The following CAPN8 variants were observed in gnomAD, a reference collection of about 807,000 sequenced individuals.
CAPN8 encodes calpain 8, also known as calpain-8.
In CAPN8, 87 loss-of-function variants were observed where a neutral mutation model predicts 80.9. The observed-to-expected ratio is 1.07, with a 90% CI of 0.90 to 1.28. CAPN8 has a LOEUF of 1.28. Among genes scored for constraint, CAPN8 ranks in the 50% most tolerant of loss-of-function variants. CAPN8 has a pLI of 0.00. For synonymous variants in CAPN8, 299 were observed against 273.8 expected (o/e 1.09, Z -0.91); for missense variants, 757 against 702.0 (o/e 1.08, Z -0.89).
Position 223,622,802 on chromosome 1 carries a change from G to T in CAPN8, c.899+13C>A, listed in dbSNP as rs1351363582. The T allele has an allele frequency of 9.0e-6, 14 of 1,549,152 alleles. No individual in the cohort carries two copies. The highest frequency in any genetic ancestry group is 1.2e-5 in the Non-Finnish European group (14 of 1,144,706). On this transcript the variant is annotated intron_variant, in intron 7 of 20. Coordinates refer to ENST00000366872, the MANE Select transcript of CAPN8 (RefSeq NM_001143962.2). Reference sequence around the variant, plus strand: ...GGGAGAGATGACTGGAGAAGCGGGGGAAAAAAACCTACTCATCGCTCCAGG... The same window carrying T: ...GGGAGAGATGACTGGAGAAGCGGGGTAAAAAAACCTACTCATCGCTCCAGG...
intron 9 of CAPN8, chr1:223,618,138 A>C: frequency 7.6e-7 from 1 of 1,313,176 alleles, no homozygotes; most frequent in Non-Finnish European, 1.1e-6. Flanking sequence ...ATCAACAGCA[A>C]ACCAGGCAGG....
chr1:223,638,930 C>T (rs77024713), intron 2 of CAPN8, among the ~76,000 whole-genome samples: 13,722 of 152,236 alleles, frequency 0.09, 1,416 homozygotes, highest in African/African-American at 0.24. Flanking sequence ...ATAAATCCTG[C>T]TAATGTAGAA....
chr1:223,544,357 C>A (rs1209375921), intron 18 of CAPN8, 174 bp from the exon 19 acceptor site: 3 of 602,620 alleles, frequency 5.0e-6, no homozygotes, highest in Non-Finnish European at 8.9e-6. Flanking sequence ...GCCATCCATC[C>A]CTCTCCTTGT....
At chr1:223,656,525 GA>G (rs1036431780) in intron 1 of CAPN8, among the ~76,000 whole-genome samples, 14 of 151,614 alleles carry the variant, frequency 9.2e-5, no homozygotes, top group Middle Eastern at 3.5e-3. Flanking sequence ...ATGAACATGA[GA>G]AAAAAAACCC....
At chr1:223,614,636 G>T (rs182884917) in intron 10 of CAPN8, among the ~76,000 whole-genome samples, 239 of 152,310 alleles carry the variant, frequency 1.6e-3, no homozygotes, top group African/African-American at 5.5e-3. Context: ...CCCCATCACA[G>T]CAGATCTGAC....
At chr1:223,550,928 G>T in intron 15 of CAPN8, 32 bp downstream of exon 15, 1 of 716,572 alleles carries the variant, frequency 1.4e-6, no homozygotes, top group South Asian at 1.5e-5. Context: ...ATCTCCTACG[G>T]ACTTTCTGAA....
chr1:223,648,645 T>C (rs1031759816), intron 2 of CAPN8, among the ~76,000 whole-genome samples: 1 of 152,156 alleles, frequency 6.6e-6, no homozygotes, highest in Non-Finnish European at 1.5e-5. Context: ...GGCAACTGGA[T>C]TTAGGTTGTT....
chr1:223,645,762 G>A (rs982700547), intron 2 of CAPN8, among the ~76,000 whole-genome samples: 1 of 152,126 alleles, frequency 6.6e-6, no homozygotes, highest in African/African-American at 2.4e-5. Flanking sequence ...AAGTAACAAG[G>A]TACTGGGTCA....
intron 10 of CAPN8, 189 bp downstream of exon 10, chr1:223,615,781 T>C: frequency 1.4e-6 from 1 of 721,450 alleles, no homozygotes; most frequent in Non-Finnish European, 2.5e-6. Context: ...ACTTAAGCCA[T>C]AGGAATGAAT....
At chr1:223,651,601 G>A (rs577178091) in intron 2 of CAPN8, among the ~76,000 whole-genome samples, 7 of 152,322 alleles carry the variant, frequency 4.6e-5, no homozygotes, top group Admixed American at 2.0e-4. Context: ...CCAGACTTTG[G>A]ACGTGCTGGC....
chr1:223,618,629 G>C (rs1657278201), intron 9 of CAPN8, among the ~76,000 whole-genome samples: 1 of 152,224 alleles, frequency 6.6e-6, no homozygotes, highest in African/African-American at 2.4e-5. Context: ...GGAGGGGAGT[G>C]GGGAGGAAGG....
At chr1:223,643,303 C>T (rs976814737) in intron 2 of CAPN8, among the ~76,000 whole-genome samples, 16 of 152,350 alleles carry the variant, frequency 1.1e-4, no homozygotes, top group Non-Finnish European at 2.4e-4. Flanking sequence ...GCAGTTCCAA[C>T]TCCGGGCTAG....
Position 223,543,261 on chromosome 1 carries a change from C to T in CAPN8, c.2030-95G>A, listed in dbSNP as rs980921314. 79 of 1,402,056 alleles carry T rather than the reference C, an allele frequency of 5.6e-5. 1 individual carries two copies. Among genetic ancestry groups the T allele is most frequent in the Non-Finnish European group, 6.9e-5 (71 of 1,024,860 alleles). The allele number at this position is 1,402,056 out of a possible 1,614,324, so 86.9% of individuals were successfully genotyped here. ...CCTCTGTCTACCCCATCCCCACCTGCGGAACTCTCCTTTCCCCTACCACCC... is the reference window on the plus strand; with the variant it reads ...CCTCTGTCTACCCCATCCCCACCTGTGGAACTCTCCTTTCCCCTACCACCC... On this transcript the variant is annotated intron_variant, in intron 19 of 20. Transcript: ENST00000366872.
At position 223,619,362 on chromosome 1, in the gene CAPN8, A is replaced by G. The variant is rs1190568948; in HGVS notation, c.1066T>C (p.Trp356Arg). 1.9e-6 allele frequency: 3 copies of G among 1,551,556 alleles called. No individual in the cohort carries two copies. Among genetic ancestry groups the G allele is most frequent in the Admixed American group, 2.0e-5 (1 of 50,980 alleles). The change falls in exon 9 of 21, where the codon TGG becomes CGG. Residue 356 changes from tryptophan to arginine, a missense_variant. Transcript: ENST00000366872. ...TGGCCGTTGAACAGGACCAGGTTCC[A>G]TTTGTGCACCTCCTCGCTACTCAGA... is the stretch of plus-strand genomic sequence containing the variant. ...DSLSSEEVHKWNLVLFNGHWT... is the reference protein window; with the variant it reads ...DSLSSEEVHKRNLVLFNGHWT...
chr1:223,614,701 C>A (rs186387027), intron 10 of CAPN8, among the ~76,000 whole-genome samples: 71 of 152,306 alleles, frequency 4.7e-4, no homozygotes, highest in Admixed American at 4.2e-3. Flanking sequence ...ATTGTGAGCA[C>A]CTTGAGGGCA....
intron 8 of CAPN8, 33 bp downstream of exon 8, chr1:223,620,159 A>G (rs182577363): frequency 4.5e-6 from 7 of 1,542,664 alleles, no homozygotes; most frequent in Non-Finnish European, 6.1e-6. Flanking sequence ...CCCATCACCA[A>G]TGGGACAGCG....
In CAPN8 at chr1:223,612,935, G is replaced by C. The variant is rs768854240; in HGVS notation, c.1312-678C>G. On this transcript the variant is annotated intron_variant, in intron 10 of 20. Transcript: ENST00000366872. ...TCCTTCCCTTAATTTGGTTTCATGA[G>C]CTGGTACACTATTTTCACTAGCCTA... is the stretch of plus-strand genomic sequence containing the variant. Among the ~76,000 whole-genome samples, 69 of 152,276 alleles carry C rather than the reference G, an allele frequency of 4.5e-4. 1 individual carries two copies. Among genetic ancestry groups the C allele is most frequent in the African/African-American group, 1.5e-3 (62 of 41,556 alleles).
intron 2 of CAPN8, among the ~76,000 whole-genome samples, chr1:223,631,366 A>G (rs762493340): frequency 2.0e-5 from 3 of 152,144 alleles, no homozygotes; most frequent in Non-Finnish European, 2.9e-5. Flanking sequence ...CCATTCATGC[A>G]TCAACTCCTT....
rs557253979 is a variant in CAPN8 at position 223,617,483 on chromosome 1, T to A, written c.1136-1338A>T. ...CTATCCATGTCTTCCTGACAGCTAG[T>A]TGGCAGCATGGATGGGACTGTGATT... On this transcript the variant is annotated intron_variant, in intron 9 of 20. Coordinates refer to ENST00000366872, the MANE Select transcript of CAPN8 (RefSeq NM_001143962.2). 7.9e-5 allele frequency: 12 copies of A among 152,314 alleles called. No individual in the cohort carries two copies. In the East Asian group the frequency reaches 2.3e-3, roughly 29 times the overall value. The allele number at this position is 152,314 out of a possible 1,614,324, so 9.4% of individuals were successfully genotyped here.
Sources: allele counts gnomAD v4.1 joint callset (sites outside exome capture counted in the v4.1 genomes callset), GRCh38; gene constraint gnomAD v4.1.1; transcripts MANE v1.5; gene names NCBI Gene and HGNC (gene_info 2026-07-23, HGNC 2026-07-21).